The following TMEM187 variants were observed in gnomAD, a reference collection of about 807,000 sequenced individuals.
TMEM187 encodes the protein transmembrane protein 187, also known as chromosome X open reading frame 12.
A neutral mutation model predicts 11.8 loss-of-function variants in TMEM187; 14 were observed. That is an observed-to-expected ratio of 1.18 (90% CI 0.78 to 1.85). The LOEUF (loss-of-function observed/expected upper bound fraction) is 1.85, where lower values mean the gene tolerates loss of function less well. TMEM187 is among the 40% of genes most tolerant of loss of function. The pLI, the probability that TMEM187 is intolerant of heterozygous loss-of-function variation, is 0.00. For synonymous variants in TMEM187, 112 were observed against 118.5 expected, an observed-to-expected ratio of 0.95 and a Z score of 0.36; for missense variants, 227 against 243.9, an observed-to-expected ratio of 0.93 and a Z score of 0.46.
At chrX:153,981,690 A>G (rs782126019) in intron 1 of TMEM187, among the ~76,000 whole-genome samples, 160 bp from the exon 2 acceptor site, 34 of 111,962 alleles carry the variant, frequency 3.0e-4, no homozygotes, top group Non-Finnish European at 6.0e-4. Context: ...GGGGTGATAG[A>G]GGATTCTAGA....
At chrX:153,977,218 CAAA>C (rs1490392581) in intron 1 of TMEM187, among the ~76,000 whole-genome samples, 3 of 112,395 alleles carry the variant, frequency 2.7e-5, no homozygotes, top group Non-Finnish European at 5.6e-5. Context: ...GTTCCCAACA[CAAA>C]GAAATGATAA....
Position 153,982,569 on chromosome X carries a change from T to C in TMEM187, c.507T>C (p.Ala169=). 1 of 1,210,342 alleles carries C rather than the reference T, an allele frequency of 8.3e-7. No individual in the cohort carries two copies. Among genetic ancestry groups the C allele is most frequent in the East Asian group, 3.0e-5 (1 of 33,848 alleles). The change falls in exon 2 of 2, where the codon GCT becomes GCC. Residue 169 remains alanine (A), a synonymous_variant. Transcript: ENST00000369982. ...AGGGCTTCGAGGTCGCACTGGGTGC[T>C]CACGTGGTGGCCGCTGTGGGGCAGG... is the stretch of plus-strand genomic sequence containing the variant. ...HPQGFEVALG[A]HVVAAVGQAL...
At chrX:153,978,486 T>G (rs1231884675) in intron 1 of TMEM187, among the ~76,000 whole-genome samples, 1 of 107,063 alleles carries the variant, frequency 9.3e-6, no homozygotes, top group Admixed American at 1.0e-4. Context: ...CAGGGTGGTC[T>G]TGAACTCTTG....
intron 1 of TMEM187, among the ~76,000 whole-genome samples, chrX:153,975,362 A>G (rs1271619607): frequency 9.1e-6 from 1 of 110,062 alleles, no homozygotes; most frequent in African/African-American, 3.3e-5. Flanking sequence ...ACACAGTCTC[A>G]CTCTGAAACC....
chrX:153,979,850 C>T (rs1178495676), intron 1 of TMEM187, among the ~76,000 whole-genome samples: 3 of 104,683 alleles, frequency 2.9e-5, no homozygotes, highest in African/African-American at 1.0e-4. Flanking sequence ...CATTCTCCTG[C>T]CTCAGCCTCC....
chrX:153,973,848 C>G (rs1309350958), intron 1 of TMEM187, among the ~76,000 whole-genome samples: 5 of 112,139 alleles, frequency 4.5e-5, no homozygotes, highest in Non-Finnish European at 7.5e-5. Flanking sequence ...ACCATAAATG[C>G]TAAAGGCCTG....
chrX:153,979,605 G>A (rs2065590987), intron 1 of TMEM187, among the ~76,000 whole-genome samples: 1 of 109,507 alleles, frequency 9.1e-6, no homozygotes, highest in African/African-American at 3.3e-5. Context: ...TTCAACTTAA[G>A]AGGGGTTTAG....
chrX:153,974,764 G>A (rs782382825), intron 1 of TMEM187, among the ~76,000 whole-genome samples: 118 of 112,205 alleles, frequency 1.1e-3, no homozygotes, highest in Non-Finnish European at 1.8e-3. Flanking sequence ...GTGATAGTGA[G>A]GACTGTGGTT....
rs150543851 is a variant in TMEM187 at position 153,982,123 on chromosome X, G to A, written c.61G>A (p.Val21Met). The A allele has an allele frequency of 9.7e-5, 117 of 1,211,742 alleles. No homozygotes were observed. The highest frequency in any genetic ancestry group is 1.2e-4 in the Non-Finnish European group (111 of 895,574). Reference protein sequence around the residue: ...HVAVAGGLCAVAVFTGIFDSV... With the variant: ...HVAVAGGLCAMAVFTGIFDSV... ...GGCCGTGGCCGGTGGCCTCTGTGCC[G>A]TGGCTGTGTTCACGGGCATTTTCGA... Residue 21 changes from valine to methionine, a missense_variant, in exon 2 of 2, where the codon GTG (valine) becomes ATG (methionine). Coordinates refer to ENST00000369982, the MANE Select transcript of TMEM187 (RefSeq NM_003492.3).
At position 153,973,296 on chromosome X, in the gene TMEM187, A is replaced by G. The variant is rs367627693; in HGVS notation, c.-214+436A>G. On this transcript the variant is annotated intron_variant, in intron 1 of 1. Transcript: ENST00000369982. ...TGTATTTTGTAATCGTCTGTGTTTT[A>G]GTTCATGCAGTTGGAAGTATCCATT... 2.7e-5 allele frequency among the ~76,000 whole-genome samples: 3 copies of G among 112,639 alleles called. No individual in the cohort carries two copies. In the East Asian group the frequency reaches 8.3e-4, roughly 31 times the overall value.
intron 1 of TMEM187, among the ~76,000 whole-genome samples, chrX:153,973,696 C>T (rs1557121056): frequency 2.7e-5 from 3 of 112,170 alleles, no homozygotes; most frequent in Non-Finnish European, 1.9e-5. Flanking sequence ...CACACACACA[C>T]ACACACACAC....
intron 1 of TMEM187, among the ~76,000 whole-genome samples, chrX:153,980,140 C>T (rs1455933834): frequency 2.9e-5 from 3 of 104,244 alleles, no homozygotes; most frequent in African/African-American, 1.1e-4. Flanking sequence ...TGCAGTGAGC[C>T]AAGATCGCAC....
At chrX:153,981,575 G>A (rs782300801) in intron 1 of TMEM187, among the ~76,000 whole-genome samples, 3 of 112,261 alleles carry the variant, frequency 2.7e-5, no homozygotes, top group African/African-American at 9.7e-5. Flanking sequence ...ATGGGAAGGC[G>A]CATTCTGAGT....
Position 153,983,030 on chromosome X carries a change from A to C in TMEM187, c.*182A>C. 1.1e-6 allele frequency: 1 copy of C among 918,148 alleles called. No individual in the cohort carries two copies. Among genetic ancestry groups the C allele is most frequent in the Non-Finnish European group, 1.5e-6 (1 of 658,070 alleles). The allele number at this position is 918,148 out of a possible 1,213,427, so 75.7% of individuals were successfully genotyped here. A position where few individuals can be genotyped will look rare whatever the true frequency, so the allele number is the denominator to read the frequency against. On this transcript the variant is annotated 3_prime_UTR_variant, in exon 2 of 2. Coordinates refer to ENST00000369982, the MANE Select transcript of TMEM187 (RefSeq NM_003492.3). ...GGGGTGGAGTGCTGTGATCTCGACA[A>C]CTTACTTTCAAAGACATAAAGCACA...
At chrX:153,981,598 G>A (rs1185365900) in intron 1 of TMEM187, among the ~76,000 whole-genome samples, 2 of 112,353 alleles carry the variant, frequency 1.8e-5, no homozygotes, top group Non-Finnish European at 3.8e-5. Flanking sequence ...TAATGACAGA[G>A]CTAGACAGGT....
At chrX:153,976,092 C>T (rs1397834205) in intron 1 of TMEM187, among the ~76,000 whole-genome samples, 1 of 111,626 alleles carries the variant, frequency 9.0e-6, no homozygotes, top group African/African-American at 3.3e-5. Context: ...ATTGAAGAGA[C>T]CATCCTTTCC....
rs998941791 is a variant in TMEM187 at position 153,982,253 on chromosome X, A to G, written c.191A>G (p.Tyr64Cys). 1.6e-6 allele frequency: 2 copies of G among 1,212,153 alleles called. No homozygotes were observed. The highest frequency in any genetic ancestry group is 2.2e-6 in the Non-Finnish European group (2 of 895,586). The change falls in exon 2 of 2, where the codon TAC becomes TGC. Residue 64 changes from tyrosine to cysteine, a missense_variant. Transcript: ENST00000369982. ...TTCAACTCACTCGTGAACATGGCCT[A>G]CACGCTGCTGGGGCTGTCGTGGCTG... ...MPFNSLVNMAYTLLGLSWLHR... is the reference protein window; with the variant it reads ...MPFNSLVNMACTLLGLSWLHR...
chrX:153,972,963 G>T, intron 1 of TMEM187, 103 bp downstream of exon 1: 1 of 122,053 alleles, frequency 8.2e-6, no homozygotes, highest in Non-Finnish European at 1.7e-5. Flanking sequence ...CGGCGGCGGC[G>T]GCATCCGCCC....
At position 153,980,089 on chromosome X, in the gene TMEM187, G is replaced by A. The variant is rs1360934693; in HGVS notation, c.-213-1761G>A. 4.6e-5 allele frequency among the ~76,000 whole-genome samples: 5 copies of A among 107,536 alleles called. No individual in the cohort carries two copies. In the Admixed American group the frequency reaches 5.0e-4, roughly 11 times the overall value. The allele number at this position is 107,536 out of a possible 115,157, so 93.4% of individuals were successfully genotyped here. A position where few individuals can be genotyped will look rare whatever the true frequency, so the allele number is the denominator to read the frequency against. ...GGCAGGCCGGGCGCTGTGGTAGGGA[G>A]GCTGAGGTAGGAGAATGGCGTGAAC... On this transcript the variant is annotated intron_variant, in intron 1 of 1. Coordinates refer to ENST00000369982, the MANE Select transcript of TMEM187 (RefSeq NM_003492.3).
Sources: gnomAD v4.1 joint callset for allele counts (sites outside exome capture counted in the v4.1 genomes callset) on GRCh38, gnomAD v4.1.1 for gene constraint, MANE v1.5 for transcripts, NCBI Gene and HGNC (gene_info 2026-07-23, HGNC 2026-07-21) for gene names.